The following TMEM135 variants were observed in gnomAD, a reference collection of about 807,000 sequenced individuals.
TMEM135 encodes peroxisomal membrane protein 52.
TMEM135 carries 30 observed loss-of-function variants against 60.3 expected under a neutral mutation model. The ratio of observed to expected loss-of-function variants is 0.50; its 90% CI spans 0.37 to 0.68. The LOEUF (loss-of-function observed/expected upper bound fraction) is 0.68. Among genes scored for constraint, TMEM135 ranks in the 30% least tolerant of loss-of-function variants. The pLI, the probability that TMEM135 is intolerant of heterozygous loss-of-function variation, is 0.00. For synonymous variants in TMEM135, 190 were observed against 186.7 expected (o/e 1.02, Z -0.14); for missense variants, 468 against 548.8 (o/e 0.85, Z 1.47).
At chr11:87,235,279 GAGGA>G (rs1280950769) in intron 5 of TMEM135, among the ~76,000 whole-genome samples, 1 of 151,670 alleles carries the variant, frequency 6.6e-6, no homozygotes, top group Non-Finnish European at 1.5e-5. Context: ...GAGATGGAGA[GAGGA>G]AGGAAGGAGG....
intron 5 of TMEM135, among the ~76,000 whole-genome samples, chr11:87,222,424 G>C (rs1940648352): frequency 6.7e-6 from 1 of 149,034 alleles, no homozygotes; most frequent in African/African-American, 2.5e-5. Context: ...CGTGAACCCT[G>C]GGGGGCTGAG....
chr11:87,323,242 A>G lies in TMEM135; in HGVS notation c.*1909A>G, dbSNP rs1942856992. 2.2e-6 allele frequency: 1 copy of G among 453,618 alleles called. No individual in the cohort carries two copies. Among genetic ancestry groups the G allele is most frequent in the Admixed American group, 2.4e-5 (1 of 42,522 alleles). The allele number at this position is 453,618 out of a possible 1,614,324, so 28.1% of individuals were successfully genotyped here. A position where few individuals can be genotyped will look rare whatever the true frequency, so the allele number is the denominator to read the frequency against. On this transcript the variant is annotated 3_prime_UTR_variant, in exon 15 of 15. Coordinates refer to ENST00000305494, the MANE Select transcript of TMEM135 (RefSeq NM_022918.4). ...CTTTTCATTTTTATAAATTGCAGTCATTTTTTTAAATTTTATGTAAAATGT... is the reference window on the plus strand; with the variant it reads ...CTTTTCATTTTTATAAATTGCAGTCGTTTTTTTAAATTTTATGTAAAATGT...
At chr11:87,226,341 A>G (rs1371990119) in intron 5 of TMEM135, among the ~76,000 whole-genome samples, 2 of 152,194 alleles carry the variant, frequency 1.3e-5, no homozygotes, top group African/African-American at 4.8e-5. Flanking sequence ...TGTTTCATGA[A>G]TGATTTCTTG....
intron 4 of TMEM135, among the ~76,000 whole-genome samples, chr11:87,133,145 T>C (rs1937984531): frequency 6.6e-6 from 1 of 152,218 alleles, no homozygotes; most frequent in South Asian, 2.1e-4. Flanking sequence ...CTACTCATAA[T>C]GGCAAACAGT....
intron 6 of TMEM135, among the ~76,000 whole-genome samples, chr11:87,281,755 T>C (rs1942063749): frequency 6.6e-6 from 1 of 152,206 alleles, no homozygotes; most frequent in South Asian, 2.1e-4. Flanking sequence ...ATGATTTATG[T>C]ATACTTATGA....
chr11:87,074,200 A>G (rs1309018152), intron 3 of TMEM135, among the ~76,000 whole-genome samples: 2 of 152,164 alleles, frequency 1.3e-5, no homozygotes, highest in African/African-American at 4.8e-5. Context: ...TCCCAACCTC[A>G]GGTGATCAGC....
At chr11:87,248,628 AT>A (rs35302450) in intron 6 of TMEM135, among the ~76,000 whole-genome samples, 5 of 151,146 alleles carry the variant, frequency 3.3e-5, no homozygotes, top group African/African-American at 1.2e-4. Flanking sequence ...AAATTATATG[AT>A]TTTTTTTTCT....
intron 9 of TMEM135, among the ~76,000 whole-genome samples, chr11:87,306,600 C>G (rs1942547623): frequency 6.6e-6 from 1 of 152,124 alleles, no homozygotes. Flanking sequence ...CTTCCTCTTC[C>G]CCTGCTGTTG....
intron 3 of TMEM135, among the ~76,000 whole-genome samples, chr11:87,080,530 A>G (rs73519214): frequency 0.094 from 14,318 of 151,926 alleles, 712 homozygotes; most frequent in African/African-American, 0.1. Context: ...TCTCTTTTTA[A>G]TGCTATCAAT....
At chr11:87,196,903 C>T (rs994445114) in intron 5 of TMEM135, among the ~76,000 whole-genome samples, 1 of 151,922 alleles carries the variant, frequency 6.6e-6, no homozygotes, top group African/African-American at 2.4e-5. Context: ...AGAATGGATA[C>T]GTATTTTGGA....
intron 6 of TMEM135, among the ~76,000 whole-genome samples, chr11:87,269,905 C>T (rs1360014602): frequency 7.8e-6 from 1 of 127,606 alleles, no homozygotes; most frequent in Non-Finnish European, 1.8e-5. Context: ...TTCTAGATCC[C>T]TGAGGAATCG....
chr11:87,319,136 T>G, intron 13 of TMEM135, 174 bp from the exon 14 acceptor site: 18 of 605,242 alleles, frequency 3.0e-5, no homozygotes, highest in Non-Finnish European at 4.2e-5. Flanking sequence ...CCCCAAGTGC[T>G]GAGATTACAG....
At chr11:87,298,793 A>AAAAAAAC (rs1177732066) in intron 7 of TMEM135, among the ~76,000 whole-genome samples, 1 of 148,682 alleles carries the variant, frequency 6.7e-6, no homozygotes, top group Non-Finnish European at 1.5e-5. Flanking sequence ...TCTCAAAAAA[A>AAAAAAAC]AAAAAAAAAA....
intron 1 of TMEM135, among the ~76,000 whole-genome samples, chr11:87,059,969 C>A (rs1949930873): frequency 6.6e-6 from 1 of 152,158 alleles, no homozygotes; most frequent in Non-Finnish European, 1.5e-5. Context: ...CAAAAATTAG[C>A]TGGGTGCAGT....
intron 8 of TMEM135, among the ~76,000 whole-genome samples, chr11:87,303,786 A>G (rs1942488291): frequency 6.6e-6 from 1 of 152,226 alleles, no homozygotes; most frequent in South Asian, 2.1e-4. Flanking sequence ...AGTGGAGAAA[A>G]GGGAGAAAGG....
chr11:87,294,696 T>TATCTAAGAATATCTAAGAA (rs1942320059), intron 6 of TMEM135, among the ~76,000 whole-genome samples: 1 of 152,176 alleles, frequency 6.6e-6, no homozygotes, highest in African/African-American at 2.4e-5. Context: ...GCCTTACTCT[T>TATCTAAGAATATCTAAGAA]TATCTAAGAA....
chr11:87,286,163 A>T (rs1942160819), intron 6 of TMEM135, among the ~76,000 whole-genome samples: 1 of 152,084 alleles, frequency 6.6e-6, no homozygotes, highest in South Asian at 2.1e-4. Context: ...CCACTAGATT[A>T]GCTAGACACA....
chr11:87,250,308 A>G (rs901951412), intron 6 of TMEM135, among the ~76,000 whole-genome samples: 2 of 151,698 alleles, frequency 1.3e-5, no homozygotes, highest in South Asian at 4.2e-4. Context: ...CTATTTTGAT[A>G]TTATTTTCTT....
Position 87,295,913 on chromosome 11 carries a change from C to A in TMEM135, c.551+90C>A. The A allele has an allele frequency of 7.9e-6, 8 of 1,018,894 alleles. No homozygotes were observed. The South Asian group carries it at 1.2e-4, about 15-fold the overall frequency. The allele number at this position is 1,018,894 out of a possible 1,614,324, so 63.1% of individuals were successfully genotyped here. A position where few individuals can be genotyped will look rare whatever the true frequency, so the allele number is the denominator to read the frequency against. Reference sequence around the variant, plus strand: ...TTACAATAAATAGGTATTGACTAAGCATTTAAACTGAAAATAATTTTAGAA... The same window carrying A: ...TTACAATAAATAGGTATTGACTAAGAATTTAAACTGAAAATAATTTTAGAA... On this transcript the variant is annotated intron_variant, in intron 7 of 14. Coordinates refer to ENST00000305494, the MANE Select transcript of TMEM135 (RefSeq NM_022918.4).
Sources: allele counts gnomAD v4.1 joint callset (sites outside exome capture counted in the v4.1 genomes callset), GRCh38; gene constraint gnomAD v4.1.1; transcripts MANE v1.5; gene names NCBI Gene and HGNC (gene_info 2026-07-23, HGNC 2026-07-21).